The following NR2F1 variants were observed in gnomAD, a reference collection of about 807,000 sequenced individuals.
NR2F1 encodes the protein COUP transcription factor 1.
Under a neutral mutation model 37.7 loss-of-function variants are expected in NR2F1, and 1 was observed. The observed-to-expected ratio is 0.03, with a 90% CI of 0.01 to 0.13. The LOEUF (loss-of-function observed/expected upper bound fraction) is 0.13, where lower values mean the gene tolerates loss of function less well. Ranked by LOEUF, NR2F1 falls within the 10% of genes least tolerant of loss-of-function variation. The pLI is 1.00. For missense variants in NR2F1, 268 were observed against 578.4 expected (o/e 0.46, Z 5.50); for synonymous variants, 275 against 259.6 (o/e 1.06, Z -0.57).
intron 1 of NR2F1, 66 bp from the exon 2 acceptor site, chr5:93,587,851 C>A: frequency 6.8e-7 from 1 of 1,473,784 alleles, no homozygotes; most frequent in Non-Finnish European, 9.2e-7. Context: ...GGGTACGCTG[C>A]GGCGCGGCAA....
chr5:93,588,809 GTGTC>G (rs1393641411), intron 2 of NR2F1, among the ~76,000 whole-genome samples: 1 of 151,838 alleles, frequency 6.6e-6, no homozygotes, highest in Non-Finnish European at 1.5e-5. Context: ...GTGTGTGTGT[GTGTC>G]TCTGTGTGTG....
Position 93,594,429 on chromosome 5 carries a change from T to A in NR2F1, c.*587T>A, listed in dbSNP as rs1327778336. On this transcript the variant is annotated 3_prime_UTR_variant, in exon 3 of 3. Transcript: ENST00000327111. ...ATTATAAAAAATTGTCCTGTGTCTA[T>A]GTATCTATATCTGTTTTGTATTTTT... The A allele has an allele frequency of 1.3e-5, 2 of 152,376 alleles. No individual in the cohort carries two copies. Among genetic ancestry groups the A allele is most frequent in the African/African-American group, 4.8e-5 (2 of 41,468 alleles). The allele number at this position is 152,376 out of a possible 1,614,324, so 9.4% of individuals were successfully genotyped here. A position where few individuals can be genotyped will look rare whatever the true frequency, so the allele number is the denominator to read the frequency against.
intron 2 of NR2F1, among the ~76,000 whole-genome samples, chr5:93,588,676 G>A (rs1389076962): frequency 8.6e-5 from 13 of 151,042 alleles, no homozygotes; most frequent in Non-Finnish European, 3.0e-5. Flanking sequence ...GGGTGCGGCC[G>A]GCGGGCGGCC....
At chr5:93,588,489 C>A in intron 2 of NR2F1, 45 bp downstream of exon 2, 1 of 1,401,998 alleles carries the variant, frequency 7.1e-7, no homozygotes. Context: ...CGGCAGCGAG[C>A]GCAGGCCCCG....
chr5:93,586,786 C>T (rs1464909240), intron 1 of NR2F1, among the ~76,000 whole-genome samples: 1 of 151,374 alleles, frequency 6.6e-6, no homozygotes, highest in African/African-American at 2.4e-5. Flanking sequence ...AAGTTCAAAA[C>T]TATAATTAGA....
intron 2 of NR2F1, among the ~76,000 whole-genome samples, chr5:93,591,165 A>G (rs1208213310): frequency 6.6e-6 from 1 of 152,274 alleles, no homozygotes; most frequent in Non-Finnish European, 1.5e-5. Flanking sequence ...TCTTTTCCAT[A>G]CACTGTAGAA....
rs773473731 is a variant in NR2F1, at chr5:93,593,586, C to T, written c.1016C>T (p.Ala339Val). Residue 339 changes from alanine to valine, a missense_variant, in exon 3 of 3, where the codon GCC becomes GTC. Ala to Val is a moderately conservative substitution (Grantham distance 64, BLOSUM62 0). Around this residue, in one of 5 missense-constraint regions of NR2F1, gnomAD observed 99 missense variants for 191.9 expected, o/e 0.52. Coordinates refer to ENST00000327111, the MANE Select transcript of NR2F1 (RefSeq NM_005654.6). The surrounding 1 kb of genome is among the most constrained non-coding windows in gnomAD (Gnocchi z 5.6). ...GACGCCTGTGGCCTGTCGGATGCGGCCCACATCGAGAGCCTGCAGGAGAAG... is the reference window on the plus strand; with the variant it reads ...GACGCCTGTGGCCTGTCGGATGCGGTCCACATCGAGAGCCTGCAGGAGAAG... ...TSDACGLSDA[A>V]HIESLQEKSQ... 3 of 1,613,642 alleles carry T rather than the reference C, an allele frequency of 1.9e-6. No individual in the cohort carries two copies. Among genetic ancestry groups the T allele is most frequent in the Non-Finnish European group, 2.5e-6 (3 of 1,179,910 alleles).
intron 2 of NR2F1, chr5:93,591,844 G>A (rs1392477667): frequency 2.0e-5 from 3 of 152,264 alleles, no homozygotes; most frequent in Non-Finnish European, 4.4e-5. Context: ...ATCAGGGCCA[G>A]GTTAGCAAGC....
At chr5:93,585,703 C>A in intron 1 of NR2F1, 1 of 565,056 alleles carries the variant, frequency 1.8e-6, no homozygotes, top group Non-Finnish European at 3.2e-6. Flanking sequence ...CGCTCATCTC[C>A]CCGGCTCCCC....
chr5:93,586,485 T>C (rs1353095720), intron 1 of NR2F1, among the ~76,000 whole-genome samples: 1 of 152,260 alleles, frequency 6.6e-6, no homozygotes, highest in Non-Finnish European at 1.5e-5. Context: ...AGTACTTTTC[T>C]TATAAATATA....
rs750683610 is a variant in NR2F1, at chr5:93,588,356, C to A, written c.903C>A (p.Ile301=). 2.2e-5 allele frequency: 36 copies of A among 1,613,002 alleles called. No homozygotes were observed. In the Admixed American group the frequency reaches 5.2e-4, roughly 23 times the overall value. Residue 301 remains isoleucine (I), a synonymous_variant, in exon 2 of 3, where the codon ATC becomes ATA. Coordinates refer to ENST00000327111, the MANE Select transcript of NR2F1 (RefSeq NM_005654.6). ...TGGCCTTCATGGACCACATCCGCAT[C>A]TTCCAGGAGCAGGTGGAGAAGCTCA... ...RVVAFMDHIR[I]FQEQVEKLKA... is the part of the protein sequence containing the mutation.
chr5:93,591,773 G>A (rs181857470), intron 2 of NR2F1, among the ~76,000 whole-genome samples: 1 of 152,300 alleles, frequency 6.6e-6, no homozygotes, highest in African/African-American at 2.4e-5. Flanking sequence ...CATGCAGGCA[G>A]ATAATGCATG....
rs1351279108 is a variant in NR2F1, at chr5:93,583,692, T to C, written c.-1332T>C. On this transcript the variant is annotated 5_prime_UTR_variant, in exon 1 of 3. Transcript: ENST00000327111. ...CATTTTTGGGCGATCTCCAGGGTTT[T>C]TTTAACTAGCTCTGTGTGTTATAGC... 1 of 152,146 alleles carries C rather than the reference T, an allele frequency of 6.6e-6. No homozygotes were observed. Among genetic ancestry groups the C allele is most frequent in the African/African-American group, 2.4e-5 (1 of 41,434 alleles). 9.4% of individuals were successfully genotyped at this position (152,146 alleles called of 1,614,324 possible). A position where few individuals can be genotyped will look rare whatever the true frequency, so the allele number is the denominator to read the frequency against.
At chr5:93,586,402 G>GT (rs780538737) in intron 1 of NR2F1, among the ~76,000 whole-genome samples, 315 of 151,778 alleles carry the variant, frequency 2.1e-3, no homozygotes, top group Non-Finnish European at 3.4e-3. Flanking sequence ...GTATGGGTTT[G>GT]TTTTTTTTAA....
rs753003009 is a variant in NR2F1, at chr5:93,594,242, T to G, written c.*400T>G. The stretch of plus-strand genomic sequence containing the variant: ...ATATTCTGTACAGGAACAACACATA[T>G]GGAAGTGGACTGAAGCCTATGTAGA... On this transcript the variant is annotated 3_prime_UTR_variant, in exon 3 of 3. Transcript: ENST00000327111. The G allele has an allele frequency of 7.4e-5, 13 of 175,014 alleles. 1 individual carries two copies. The highest frequency in any genetic ancestry group is 1.4e-4 in the Non-Finnish European group (12 of 83,678). The allele number at this position is 175,014 out of a possible 1,614,324, so 10.8% of individuals were successfully genotyped here.
chr5:93,588,570 C>G (rs1245580093), intron 2 of NR2F1, 126 bp downstream of exon 2: 1 of 517,282 alleles, frequency 1.9e-6, no homozygotes, highest in Non-Finnish European at 2.5e-6. Context: ...TCGCTGGACA[C>G]TGAGCCTGGC....
chr5:93,584,630 A>AG lies in NR2F1; in HGVS notation c.-388dup, dbSNP rs940455737. The AG allele has an allele frequency of 2.7e-5, 1 of 36,874 alleles. No homozygotes were observed. The highest frequency in any genetic ancestry group is 5.4e-5 in the Non-Finnish European group (1 of 18,556). The allele number at this position is 36,874 out of a possible 1,614,324, so 2.3% of individuals were successfully genotyped here. A position where few individuals can be genotyped will look rare whatever the true frequency, so the allele number is the denominator to read the frequency against. On this transcript the variant is annotated 5_prime_UTR_variant, in exon 1 of 3. Coordinates refer to ENST00000327111, the MANE Select transcript of NR2F1 (RefSeq NM_005654.6). The stretch of plus-strand genomic sequence containing the variant: ...GGAGCTTGCTCGCCGGGGGGTGGGG[A>AG]GGGGGGAAGGAGAGCGCGGCCCCCC...
intron 2 of NR2F1, 26 bp downstream of exon 2, chr5:93,588,470 AGG>A: frequency 1.3e-6 from 2 of 1,484,326 alleles, no homozygotes; most frequent in Admixed American, 2.3e-5. Context: ...CGGGGAGGGC[AGG>A]CCGCGCCGGC....
chr5:93,592,347 A>T (rs1161052736), intron 2 of NR2F1, among the ~76,000 whole-genome samples: 1 of 152,070 alleles, frequency 6.6e-6, no homozygotes, highest in East Asian at 1.9e-4. Flanking sequence ...TGACTGGCTA[A>T]GGGCTCCTCT....
Sources: allele counts gnomAD v4.1 joint callset (sites outside exome capture counted in the v4.1 genomes callset), GRCh38; gene constraint gnomAD v4.1.1; regional missense constraint gnomAD v4.1.1; non-coding constraint Gnocchi (gnomAD v3.1); transcripts MANE v1.5; gene names NCBI Gene and HGNC (gene_info 2026-07-23, HGNC 2026-07-21).